CDH18: variants seen among roughly 807,000 people sequenced by gnomAD.
CDH18 encodes the protein cadherin 18, also known as cadherin-18.
A neutral mutation model predicts 67.9 loss-of-function variants in CDH18; 31 were observed. The ratio of observed to expected loss-of-function variants is 0.46; its 90% CI spans 0.34 to 0.62. The LOEUF is 0.62. Among genes scored for constraint, CDH18 ranks in the 20% least tolerant of loss-of-function variants. CDH18 has a pLI of 0.01. For synonymous variants in CDH18, 362 were observed against 347.2 expected, an observed-to-expected ratio of 1.04 and a Z score of -0.48; for missense variants, 890 against 975.5, an observed-to-expected ratio of 0.91 and a Z score of 1.17.
chr5:20,374,108 A>C (rs2150088962), intron 1 of CDH18, among the ~76,000 whole-genome samples: 1 of 152,258 alleles, frequency 6.6e-6, no homozygotes, highest in South Asian at 2.1e-4. Context: ...AGGATACCAA[A>C]CCTAGAAAGG....
chr5:19,698,946 G>T (rs1386192531), intron 5 of CDH18, among the ~76,000 whole-genome samples: 1 of 152,020 alleles, frequency 6.6e-6, no homozygotes, highest in Non-Finnish European at 1.5e-5. Context: ...GTGGCAGTCT[G>T]TTTCTCTTCC....
intron 1 of CDH18, among the ~76,000 whole-genome samples, chr5:20,310,100 T>A (rs1736856347): frequency 6.6e-6 from 1 of 152,184 alleles, no homozygotes; most frequent in East Asian, 1.9e-4. Flanking sequence ...GTTAATATTC[T>A]GCAAATTGAG....
At chr5:19,996,778 C>T (rs1268705622) in intron 2 of CDH18, among the ~76,000 whole-genome samples, 1 of 151,896 alleles carries the variant, frequency 6.6e-6, no homozygotes, top group South Asian at 2.1e-4. Flanking sequence ...TTTAAATTGT[C>T]TTAATGCTCA....
chr5:20,303,357 C>T (rs1736110662), intron 1 of CDH18, among the ~76,000 whole-genome samples: 1 of 152,112 alleles, frequency 6.6e-6, no homozygotes, highest in Non-Finnish European at 1.5e-5. Context: ...AAAGAAGTAA[C>T]ACTACCTCAT....
intron 2 of CDH18, among the ~76,000 whole-genome samples, chr5:19,969,302 T>C (rs1376956475): frequency 7.1e-6 from 1 of 141,592 alleles, no homozygotes; most frequent in Non-Finnish European, 1.5e-5. Flanking sequence ...CTCAGGGATC[T>C]AGAACTAGAA....
chr5:20,274,856 T>C (rs1050209473), intron 1 of CDH18, among the ~76,000 whole-genome samples: 1 of 152,148 alleles, frequency 6.6e-6, no homozygotes, highest in African/African-American at 2.4e-5. Context: ...TTTCAAATGA[T>C]GGGTGAAAAT....
intron 5 of CDH18, among the ~76,000 whole-genome samples, chr5:19,693,654 T>A (rs772980761): frequency 6.6e-6 from 1 of 152,102 alleles, no homozygotes; most frequent in Non-Finnish European, 1.5e-5. Context: ...CCCAACACTT[T>A]GGGAGGCCAA....
chr5:19,793,233 T>C (rs1359897522), intron 3 of CDH18, among the ~76,000 whole-genome samples: 2 of 152,204 alleles, frequency 1.3e-5, no homozygotes, highest in African/African-American at 4.8e-5. Context: ...GCTGTTATTT[T>C]TTTGGTAAAA....
chr5:19,696,418 C>T (rs1561072808), intron 5 of CDH18, among the ~76,000 whole-genome samples: 1 of 151,790 alleles, frequency 6.6e-6, no homozygotes, highest in Non-Finnish European at 1.5e-5. Context: ...AACCTGTAGT[C>T]CCAGCTACTC....
Position 19,811,214 on chromosome 5 carries a change from G to A in CDH18, c.228+27545C>T, listed in dbSNP as rs115147644. Among the ~76,000 whole-genome samples the A allele has an allele frequency of 8.6e-3, 1,074 of 124,778 alleles. 22 individuals are homozygous for A. Among genetic ancestry groups the A allele is most frequent in the South Asian group, 0.011 (48 of 4,214 alleles). 81.9% of individuals were successfully genotyped at this position (124,778 alleles called of 152,430 possible). A position where few individuals can be genotyped will look rare whatever the true frequency, so the allele number is the denominator to read the frequency against. Reference sequence around the variant, plus strand: ...GAGAAAGAAGGAAGGAAGGAAGGAAGGAAAGAAAAGAAAGAGATAAAGAAA... The same window carrying A: ...GAGAAAGAAGGAAGGAAGGAAGGAAAGAAAGAAAAGAAAGAGATAAAGAAA... On this transcript the variant is annotated intron_variant, in intron 3 of 12. Coordinates refer to ENST00000382275, the MANE Select transcript of CDH18 (RefSeq NM_004934.5).
intron 1 of CDH18, among the ~76,000 whole-genome samples, chr5:20,467,071 T>C (rs1218889609): frequency 6.6e-6 from 1 of 150,422 alleles, no homozygotes; most frequent in Non-Finnish European, 1.5e-5. Flanking sequence ...TCAAAATAAA[T>C]GAAAAATGGA....
chr5:19,740,310 G>A (rs559817025), intron 4 of CDH18, among the ~76,000 whole-genome samples: 3 of 151,936 alleles, frequency 2.0e-5, no homozygotes, highest in Non-Finnish European at 4.4e-5. Flanking sequence ...AAATAGTAAA[G>A]TTTATGTTCT....
chr5:20,003,623 G>GGT (rs750003789), intron 2 of CDH18, among the ~76,000 whole-genome samples: 63 of 152,038 alleles, frequency 4.1e-4, no homozygotes, highest in Non-Finnish European at 3.1e-4. Context: ...GGCCGGTCGC[G>GGT]GTGGCTCAAG....
At chr5:20,067,318 T>C (rs994188883) in intron 2 of CDH18, among the ~76,000 whole-genome samples, 1 of 151,240 alleles carries the variant, frequency 6.6e-6, no homozygotes, top group Non-Finnish European at 1.5e-5. Context: ...TAACTAAATA[T>C]CTGAATTCAT....
intron 4 of CDH18, among the ~76,000 whole-genome samples, chr5:19,732,085 G>C (rs1308273113): frequency 6.9e-6 from 1 of 145,880 alleles, no homozygotes; most frequent in Non-Finnish European, 1.5e-5. Flanking sequence ...GTGAGACCTT[G>C]TCTCAAAAAA....
intron 2 of CDH18, among the ~76,000 whole-genome samples, chr5:20,058,754 T>C (rs537812174): frequency 2.0e-5 from 3 of 152,346 alleles, no homozygotes; most frequent in Admixed American, 2.0e-4. Context: ...CATTAGCTTT[T>C]ATAAGGGTAC....
intron 2 of CDH18, among the ~76,000 whole-genome samples, chr5:20,132,413 A>T (rs1460789933): frequency 6.6e-6 from 1 of 152,154 alleles, no homozygotes; most frequent in Non-Finnish European, 1.5e-5. Context: ...TTAATAGGGT[A>T]CATTTTTCAT....
In CDH18 at chr5:20,071,998, T is replaced by C. The variant is rs547391177; in HGVS notation, c.-517-79984A>G. Among the ~76,000 whole-genome samples the C allele has an allele frequency of 3.3e-5, 5 of 152,240 alleles. No individual in the cohort carries two copies. In the East Asian group the frequency reaches 9.6e-4, roughly 29 times the overall value. ...ACAAAATAAATTACCACCTAATATA[T>C]ATCTCGTTATTACTAACATTGGGAT... On this transcript the variant is annotated intron_variant, in intron 2 of 14. Transcript: ENST00000507958.
At chr5:20,016,340 T>C (rs182183294) in intron 2 of CDH18, among the ~76,000 whole-genome samples, 1 of 152,012 alleles carries the variant, frequency 6.6e-6, no homozygotes, top group Admixed American at 6.5e-5. Context: ...AGGAAGAGGA[T>C]CAGAAAAAAA....
Sources: allele counts gnomAD v4.1 joint callset (sites outside exome capture counted in the v4.1 genomes callset), GRCh38; gene constraint gnomAD v4.1.1; transcripts MANE v1.5; gene names NCBI Gene and HGNC (gene_info 2026-07-23, HGNC 2026-07-21).